SYNPO: variants seen among roughly 807,000 people sequenced by gnomAD.
SYNPO encodes the protein synaptopodin.
In SYNPO, 19 loss-of-function variants were observed where a neutral mutation model predicts 49.5. The observed-to-expected ratio is 0.38, with a 90% confidence interval of 0.27 to 0.56. SYNPO has a LOEUF of 0.56. Among genes scored for constraint, SYNPO ranks in the 20% least tolerant of loss-of-function variants. The probability of loss-of-function intolerance (pLI) is 0.68; values close to 1 mark genes in which losing one functional copy is unlikely to be tolerated. For synonymous variants in SYNPO, 536 were observed against 548.0 expected, an observed-to-expected ratio of 0.98 and a Z score of 0.31; for missense variants, 1,131 against 1,248.3, an observed-to-expected ratio of 0.91 and a Z score of 1.42.
chr5:150,651,563 C>A, intron 2 of SYNPO: 2 of 1,002,180 alleles, frequency 2.0e-6, no homozygotes, highest in Non-Finnish European at 2.4e-6. Flanking sequence ...TTGGAATGAG[C>A]TGCTGCAGGA....
At chr5:150,639,145 C>G (rs1466965445), upstream of SYNPO, among the ~76,000 whole-genome samples, 1 of 152,248 alleles carries the variant, frequency 6.6e-6, no homozygotes, top group Non-Finnish European at 1.5e-5. Flanking sequence ...TGGCAGGGCC[C>G]TGGTCAGCCA....
chr5:150,595,264 T>A, the SYNPO span, among the ~76,000 whole-genome samples: 1 of 152,020 alleles, frequency 6.6e-6, no homozygotes, highest in African/African-American at 2.4e-5. Context: ...TGGGAAGAGG[T>A]TGGAAAAGTT....
intron 1 of SYNPO, among the ~76,000 whole-genome samples, chr5:150,612,845 T>C (rs1756885499): frequency 6.6e-6 from 1 of 152,190 alleles, no homozygotes; most frequent in Non-Finnish European, 1.5e-5. Context: ...AGTGGCACAA[T>C]CATGGCTCAC....
At chr5:150,651,453 T>C (rs896503748) in intron 2 of SYNPO, 20 of 1,000,386 alleles carry the variant, frequency 2.0e-5, no homozygotes, top group Middle Eastern at 1.0e-3. Flanking sequence ...GCCTTGTAAG[T>C]GACAAGACAG....
intron 1 of SYNPO, among the ~76,000 whole-genome samples, chr5:150,613,727 C>T (rs191374655): frequency 2.9e-3 from 436 of 152,290 alleles, no homozygotes; most frequent in South Asian, 6.4e-3. Flanking sequence ...TCTTCCTGGG[C>T]TGCTTCTCCC....
At position 150,643,338 on chromosome 5, in the gene SYNPO, T is replaced by A. The variant is rs569063527; in HGVS notation, c.-333+2484T>A. Among the ~76,000 whole-genome samples, 4 of 152,316 alleles carry A rather than the reference T, an allele frequency of 2.6e-5. 1 individual carries two copies. The highest frequency in any genetic ancestry group is 9.6e-5 in the African/African-American group (4 of 41,560). On this transcript the variant is annotated intron_variant, in intron 1 of 2. Transcript: ENST00000307662. ...AATAGTTTGTGATTTGTAGGTTTGT[T>A]TTGGAAATTAAATAATATGAGTAAA... is the stretch of plus-strand genomic sequence containing the variant.
chr5:150,651,635 C>A lies in SYNPO; in HGVS notation c.2028+1332C>A, dbSNP rs574961335. On this transcript the variant is annotated intron_variant, in intron 2 of 2. Coordinates refer to ENST00000307662, the MANE Select transcript of SYNPO (RefSeq NM_007286.6). The stretch of plus-strand genomic sequence containing the variant: ...GCTTAGGCTCAGGATTGCCTGGGGA[C>A]AGTAGGAGCATGGCAGGAGCTGGGG... 2.3e-5 allele frequency: 23 copies of A among 1,001,934 alleles called. 1 individual carries two copies. The South Asian group carries it at 8.9e-4, about 39-fold the overall frequency. The allele number at this position is 1,001,934 out of a possible 1,614,324, so 62.1% of individuals were successfully genotyped here. A position where few individuals can be genotyped will look rare whatever the true frequency, so the allele number is the denominator to read the frequency against.
At chr5:150,593,259 G>A in the SYNPO span, among the ~76,000 whole-genome samples, 19 of 152,288 alleles carry the variant, frequency 1.2e-4, no homozygotes, top group African/African-American at 4.1e-4. Flanking sequence ...CCTGGGAGCC[G>A]GGGCCAGGGC....
chr5:150,644,454 CCT>C (rs1561651433), intron 1 of SYNPO, among the ~76,000 whole-genome samples: 1 of 152,228 alleles, frequency 6.6e-6, no homozygotes, highest in Non-Finnish European at 1.5e-5. Flanking sequence ...CAGTCAATCC[CCT>C]GTGCTAGAAG....
rs139604803 is a variant in SYNPO at position 150,613,652 on chromosome 5, C to G, written c.-265-4451C>G. Among the ~76,000 whole-genome samples, 1,136 of 152,310 alleles carry G rather than the reference C, an allele frequency of 7.5e-3. 13 individuals carry two copies. The highest frequency in any genetic ancestry group is 0.026 in the African/African-American group (1,084 of 41,560). ...TCTATAGGATGGAAACAGGAAGAGA[C>G]AGCAGGTGGGGAGGTCAGGTAGAGA... On this transcript the variant is annotated intron_variant, in intron 1 of 2. Transcript: ENST00000394243.
chr5:150,623,980 G>C (rs528255226), intron 2 of SYNPO, among the ~76,000 whole-genome samples: 12 of 152,252 alleles, frequency 7.9e-5, no homozygotes, highest in Non-Finnish European at 1.3e-4. Flanking sequence ...TGGGAGTGGT[G>C]CTGGAATGTG....
intron 2 of SYNPO, among the ~76,000 whole-genome samples, chr5:150,629,536 G>A (rs1377247699): frequency 6.6e-6 from 1 of 152,100 alleles, no homozygotes; most frequent in Admixed American, 6.6e-5. Flanking sequence ...CCAAGAACAT[G>A]GGGCTAGCAG....
At chr5:150,644,076 G>A (rs1485945691) in intron 1 of SYNPO, among the ~76,000 whole-genome samples, 1 of 151,852 alleles carries the variant, frequency 6.6e-6, no homozygotes, top group African/African-American at 2.4e-5. Flanking sequence ...TCAGGAGGCT[G>A]AGGTGGGAGG....
At chr5:150,637,243 G>A (rs536445140), upstream of SYNPO, among the ~76,000 whole-genome samples, 1 of 152,250 alleles carries the variant, frequency 6.6e-6, no homozygotes, top group African/African-American at 2.4e-5. Flanking sequence ...ATTCGGGAGT[G>A]AGGGGCCGGC....
chr5:150,651,272 G>A (rs1167478560), intron 2 of SYNPO: 8 of 1,001,328 alleles, frequency 8.0e-6, no homozygotes, highest in Non-Finnish European at 8.4e-6. Context: ...CGGGGCCCAG[G>A]GGGAGGCAGG....
At chr5:150,591,668 C>T in the SYNPO span, among the ~76,000 whole-genome samples, 1 of 152,180 alleles carries the variant, frequency 6.6e-6, no homozygotes, top group African/African-American at 2.4e-5. Context: ...TTTGATATTG[C>T]TACTGTAAAG....
chr5:150,644,170 G>GAAAA (rs11306904), intron 1 of SYNPO, among the ~76,000 whole-genome samples: 1 of 116,264 alleles, frequency 8.6e-6, no homozygotes. Flanking sequence ...CCCTGTCTCA[G>GAAAA]AAAAAAAAAA....
chr5:150,595,495 C>A, the SYNPO span, among the ~76,000 whole-genome samples: 1 of 152,174 alleles, frequency 6.6e-6, no homozygotes, highest in Non-Finnish European at 1.5e-5. Context: ...TCGGCATAGG[C>A]CACTCTCTGG....
At chr5:150,628,503 T>C (rs1456115956) in intron 2 of SYNPO, among the ~76,000 whole-genome samples, 1 of 152,194 alleles carries the variant, frequency 6.6e-6, no homozygotes, top group Non-Finnish European at 1.5e-5. Flanking sequence ...ATCTATAAAA[T>C]AGAAACAATA....
Sources: gnomAD v4.1 joint callset for allele counts (sites outside exome capture counted in the v4.1 genomes callset) on GRCh38, gnomAD v4.1.1 for gene constraint, MANE v1.5 for transcripts, NCBI Gene and HGNC (gene_info 2026-07-23, HGNC 2026-07-21) for gene names.